The following XIRP2 variants were observed in gnomAD, a reference collection of about 807,000 sequenced individuals.
XIRP2 encodes xin actin binding repeat containing 2.
A neutral mutation model predicts 277.0 loss-of-function variants in XIRP2; 236 were observed. The observed-to-expected ratio is 0.85, with a 90% CI of 0.77 to 0.95. The LOEUF is 0.95. XIRP2 is among the 40% of genes least tolerant of loss of function. The pLI is 0.00. For synonymous variants in XIRP2, 1,490 were observed against 1,416.5 expected (o/e 1.05, Z -1.17); for missense variants, 4,640 against 4,157.5 (o/e 1.12, Z -3.19).
At chr2:167,111,877 T>C (rs1690766610) in intron 2 of XIRP2, among the ~76,000 whole-genome samples, 1 of 152,184 alleles carries the variant, frequency 6.6e-6, no homozygotes, top group Non-Finnish European at 1.5e-5. Flanking sequence ...TTCTTCCTGG[T>C]TCAGCCTTGG....
intron 5 of XIRP2, among the ~76,000 whole-genome samples, chr2:167,235,458 G>A (rs1182029455): frequency 6.6e-6 from 1 of 151,870 alleles, no homozygotes; most frequent in Non-Finnish European, 1.5e-5. Context: ...AGTGACTACT[G>A]TATTTACCCA....
At chr2:167,159,153 A>G (rs1427963922) in intron 3 of XIRP2, among the ~76,000 whole-genome samples, 1 of 152,132 alleles carries the variant, frequency 6.6e-6, no homozygotes, top group Non-Finnish European at 1.5e-5. Flanking sequence ...CCGGGGGAGG[A>G]ACCATGGAGA....
intron 2 of XIRP2, among the ~76,000 whole-genome samples, chr2:166,928,839 G>A (rs1026744619): frequency 6.6e-6 from 1 of 151,986 alleles, no homozygotes; most frequent in African/African-American, 2.4e-5. Context: ...TGCCTATCAG[G>A]GTGATAGGCA....
intron 2 of XIRP2, among the ~76,000 whole-genome samples, chr2:166,978,718 C>T (rs1049029302): frequency 6.6e-5 from 10 of 152,126 alleles, no homozygotes; most frequent in Non-Finnish European, 1.0e-4. Flanking sequence ...CATGGTGGCT[C>T]ACGCCTGTAA....
intron 3 of XIRP2, among the ~76,000 whole-genome samples, chr2:167,174,543 T>G (rs1319479518): frequency 6.6e-6 from 1 of 152,192 alleles, no homozygotes; most frequent in Non-Finnish European, 1.5e-5. Flanking sequence ...CTATCTATTT[T>G]GTTAATCTTT....
At chr2:166,934,898 G>A (rs1159161059) in intron 2 of XIRP2, among the ~76,000 whole-genome samples, 1 of 151,988 alleles carries the variant, frequency 6.6e-6, no homozygotes, top group Admixed American at 6.6e-5. Context: ...AGTTGTGGTG[G>A]CACACACCTG....
Position 167,242,587 on chromosome 2 carries a change from G to C in XIRP2, c.1195G>C (p.Glu399Gln). The change falls in exon 9 of 11, where the codon GAG (glutamate) becomes CAG (glutamine). Residue 399 changes from glutamate (E) to glutamine (Q), a missense_variant. Coordinates refer to ENST00000409195, the MANE Select transcript of XIRP2 (RefSeq NM_152381.6). ...CCTAAAGACTGAAAGTGAATATGAA[G>C]AGACTTTCAAGCCATCATCAGTTGT... ...KQIKTESEYEETFKPSSVVST... is the reference protein window; with the variant it reads ...KQIKTESEYEQTFKPSSVVST... 1 of 1,612,224 alleles carries C rather than the reference G, an allele frequency of 6.2e-7. No individual in the cohort carries two copies. The highest frequency in any genetic ancestry group is 8.5e-7 in the Non-Finnish European group (1 of 1,178,932).
At chr2:166,950,704 T>C (rs959660043) in intron 2 of XIRP2, among the ~76,000 whole-genome samples, 10 of 152,186 alleles carry the variant, frequency 6.6e-5, no homozygotes, top group African/African-American at 1.7e-4. Flanking sequence ...GTTGCTCTCA[T>C]TGTTTTTGTT....
intron 3 of XIRP2, among the ~76,000 whole-genome samples, chr2:167,198,440 G>C (rs1371912078): frequency 6.6e-6 from 1 of 152,174 alleles, no homozygotes; most frequent in African/African-American, 2.4e-5. Context: ...TTATGAAAGA[G>C]AGGAATCAAA....
chr2:167,066,186 T>C (rs369994679), intron 2 of XIRP2, among the ~76,000 whole-genome samples: 17 of 151,972 alleles, frequency 1.1e-4, no homozygotes, highest in African/African-American at 3.9e-4. Flanking sequence ...TATAATTTAG[T>C]ATGTGGATTT....
At chr2:167,111,656 C>A (rs1351772081) in intron 2 of XIRP2, among the ~76,000 whole-genome samples, 2 of 132,482 alleles carry the variant, frequency 1.5e-5, no homozygotes, top group Non-Finnish European at 3.0e-5. Flanking sequence ...TCTCTGCCAG[C>A]TTTTGGTTAT....
intron 2 of XIRP2, among the ~76,000 whole-genome samples, chr2:167,013,660 C>T (rs1687744481): frequency 6.6e-6 from 1 of 151,544 alleles, no homozygotes; most frequent in Non-Finnish European, 1.5e-5. Flanking sequence ...TGTCAAGGGA[C>T]ATATTTGTTA....
chr2:166,918,433 C>T (rs1004324), intron 2 of XIRP2, among the ~76,000 whole-genome samples: 13,822 of 150,836 alleles, frequency 0.092, 1,218 homozygotes, highest in East Asian at 0.49. Flanking sequence ...AGAAGATTCT[C>T]GAAAAGAAAA....
intron 3 of XIRP2, among the ~76,000 whole-genome samples, chr2:167,154,011 T>C (rs1692106198): frequency 6.7e-6 from 1 of 149,946 alleles, no homozygotes; most frequent in Admixed American, 6.6e-5. Context: ...TTGAACTAGT[T>C]TACAGTCCCA....
At chr2:167,053,152 C>G (rs1320883447) in intron 2 of XIRP2, among the ~76,000 whole-genome samples, 2 of 152,098 alleles carry the variant, frequency 1.3e-5, no homozygotes, top group Admixed American at 6.6e-5. Context: ...ATGTTAATGC[C>G]CATATAATTA....
At chr2:167,196,316 T>A (rs1175419699) in intron 3 of XIRP2, among the ~76,000 whole-genome samples, 1 of 151,926 alleles carries the variant, frequency 6.6e-6, no homozygotes, top group Admixed American at 6.6e-5. Flanking sequence ...GTAATACGGA[T>A]GAAGCTGAGA....
intron 3 of XIRP2, among the ~76,000 whole-genome samples, chr2:167,184,848 G>A (rs1693112418): frequency 6.6e-6 from 1 of 152,130 alleles, no homozygotes; most frequent in African/African-American, 2.4e-5. Context: ...TGTAATAGGT[G>A]GAGGTATCTA....
At chr2:166,981,546 A>G (rs1015240382) in intron 2 of XIRP2, among the ~76,000 whole-genome samples, 1 of 151,580 alleles carries the variant, frequency 6.6e-6, no homozygotes, top group Admixed American at 6.6e-5. Context: ...CTCGGCCTCC[A>G]GAGTAGCTGG....
chr2:167,110,687 A>G (rs1233946733), intron 2 of XIRP2, among the ~76,000 whole-genome samples: 2 of 152,122 alleles, frequency 1.3e-5, no homozygotes, highest in African/African-American at 4.8e-5. Flanking sequence ...ATTTTAAAAT[A>G]GCTTTTCATG....
Sources: allele counts gnomAD v4.1 joint callset (sites outside exome capture counted in the v4.1 genomes callset), GRCh38; gene constraint gnomAD v4.1.1; transcripts MANE v1.5; gene names NCBI Gene and HGNC (gene_info 2026-07-23, HGNC 2026-07-21).